The following SPSB4 variants were observed in gnomAD, a reference collection of about 807,000 sequenced individuals.
SPSB4 encodes SPRY domain-containing SOCS box protein 4.
In SPSB4, 21 loss-of-function variants were observed where a neutral mutation model predicts 20.9. The ratio of observed to expected loss-of-function variants is 1.01; its 90% CI spans 0.71 to 1.45. The LOEUF (loss-of-function observed/expected upper bound fraction) is 1.45. Among genes scored for constraint, SPSB4 ranks in the 40% most tolerant of loss-of-function variants. The pLI, the probability that SPSB4 is intolerant of heterozygous loss-of-function variation, is 0.00. For synonymous variants in SPSB4, 207 were observed against 183.8 expected, an observed-to-expected ratio of 1.13 and a Z score of -1.02; for missense variants, 399 against 399.2, an observed-to-expected ratio of 1.00 and a Z score of 0.00.
At chr3:141,137,594 A>T (rs1939250688) in intron 2 of SPSB4, among the ~76,000 whole-genome samples, 1 of 152,164 alleles carries the variant, frequency 6.6e-6, no homozygotes, top group Non-Finnish European at 1.5e-5. Context: ...TGAGAAAATC[A>T]TGTGGTTTTT....
Position 141,130,040 on chromosome 3 carries a change from C to T in SPSB4, c.695-17102C>T, listed in dbSNP as rs930230663. Among the ~76,000 whole-genome samples the T allele has an allele frequency of 6.6e-5, 10 of 152,176 alleles. 1 individual carries two copies. The highest frequency in any genetic ancestry group is 1.2e-4 in the Non-Finnish European group (8 of 68,030). Reference sequence around the variant, plus strand: ...AACAGTGAAGCTTGTCAACAGAAAACGCTCCAAATTCCAAATGCTTCCTAG... The same window carrying T: ...AACAGTGAAGCTTGTCAACAGAAAATGCTCCAAATTCCAAATGCTTCCTAG... On this transcript the variant is annotated intron_variant, in intron 2 of 2. Transcript: ENST00000310546.
chr3:141,112,210 G>C (rs1248348084), intron 2 of SPSB4, among the ~76,000 whole-genome samples: 1 of 152,182 alleles, frequency 6.6e-6, no homozygotes, highest in Non-Finnish European at 1.5e-5. Context: ...AGATGCCAAG[G>C]GTTGTTATGA....
chr3:141,128,130 T>C (rs961497965), intron 2 of SPSB4, among the ~76,000 whole-genome samples: 28 of 151,740 alleles, frequency 1.8e-4, no homozygotes, highest in Admixed American at 1.8e-3. Flanking sequence ...GTTAAGTCGG[T>C]GGGGAAGGGG....
intron 2 of SPSB4, among the ~76,000 whole-genome samples, chr3:141,142,367 A>G (rs1039859421): frequency 1.3e-5 from 2 of 152,138 alleles, no homozygotes; most frequent in Non-Finnish European, 2.9e-5. Flanking sequence ...TTCCTTTTGG[A>G]GTTAATTTCC....
intron 2 of SPSB4, among the ~76,000 whole-genome samples, chr3:141,090,465 A>T (rs1367478706): frequency 6.6e-6 from 1 of 152,136 alleles, no homozygotes; most frequent in South Asian, 2.1e-4. Context: ...TTTAAATAAG[A>T]TGGTTGAGAA....
At chr3:141,053,331 T>C (rs1936128768) in intron 1 of SPSB4, among the ~76,000 whole-genome samples, 1 of 151,736 alleles carries the variant, frequency 6.6e-6, no homozygotes, top group South Asian at 2.1e-4. Context: ...ACATACCCTC[T>C]AATTTATTCC....
chr3:141,066,318 C>A lies in SPSB4; in HGVS notation c.214C>A (p.Arg72=). The change falls in exon 2 of 3, where the codon CGG becomes AGG. Residue 72 remains arginine (R), a synonymous_variant. Transcript: ENST00000310546. ...SLNVFVKDDD[R]LTFHRHPVAQ... ...CAACGTCTTCGTCAAGGACGACGAC[C>A]GGCTCACCTTCCACCGGCACCCCGT... 2 of 1,572,758 alleles carry A rather than the reference C, an allele frequency of 1.3e-6. No individual in the cohort carries two copies.
chr3:141,136,793 T>TGTTGGCTTAGG (rs1308487013), intron 2 of SPSB4, among the ~76,000 whole-genome samples: 1 of 152,260 alleles, frequency 6.6e-6, no homozygotes, highest in African/African-American at 2.4e-5. Context: ...AGCTTTGTTC[T>TGTTGGCTTAGG]GTTGGCTTAG....
At chr3:141,145,131 A>C (rs1939392607) in intron 2 of SPSB4, among the ~76,000 whole-genome samples, 1 of 152,026 alleles carries the variant, frequency 6.6e-6, no homozygotes, top group South Asian at 2.1e-4. Context: ...GAGGATCGAT[A>C]TACTGTCTCC....
chr3:141,141,886 G>A (rs189296119), intron 2 of SPSB4, among the ~76,000 whole-genome samples: 5 of 152,214 alleles, frequency 3.3e-5, no homozygotes, highest in African/African-American at 9.6e-5. Context: ...GGTATCAGTT[G>A]TAATATCTCC....
At chr3:141,099,153 G>A (rs956807824) in intron 2 of SPSB4, among the ~76,000 whole-genome samples, 2 of 151,518 alleles carry the variant, frequency 1.3e-5, no homozygotes, top group African/African-American at 2.4e-5. Context: ...GTTTTAGTGG[G>A]ACATTTAAAC....
intron 2 of SPSB4, among the ~76,000 whole-genome samples, chr3:141,091,401 T>C (rs1394883635): frequency 1.4e-4 from 21 of 152,220 alleles, no homozygotes; most frequent in Admixed American, 1.4e-3. Context: ...ACCAAAAACA[T>C]GAGTTTCTAT....
chr3:141,095,320 C>G (rs1170838325), intron 2 of SPSB4, among the ~76,000 whole-genome samples: 1 of 152,186 alleles, frequency 6.6e-6, no homozygotes, highest in Non-Finnish European at 1.5e-5. Flanking sequence ...AGCTCCTCAA[C>G]AGCTGTGTCC....
intron 1 of SPSB4, among the ~76,000 whole-genome samples, chr3:141,055,359 T>C (rs964151764): frequency 6.6e-6 from 1 of 152,006 alleles, no homozygotes; most frequent in African/African-American, 2.4e-5. Flanking sequence ...AGTCCCAGGA[T>C]GTGCTGACGA....
At chr3:141,102,893 C>T (rs1249394347) in intron 2 of SPSB4, among the ~76,000 whole-genome samples, 1 of 152,156 alleles carries the variant, frequency 6.6e-6, no homozygotes, top group Non-Finnish European at 1.5e-5. Context: ...GCCAAGCCTG[C>T]CCATGAGGAA....
rs71151410 is a variant in SPSB4, at chr3:141,061,738, C to CTT, written c.-153-4200_-153-4199dup. Among the ~76,000 whole-genome samples, 271 of 94,854 alleles carry CTT rather than the reference C, an allele frequency of 2.9e-3. 2 individuals carry two copies. Among genetic ancestry groups the CTT allele is most frequent in the African/African-American group, 5.3e-3 (150 of 28,102 alleles). 62.2% of individuals were successfully genotyped at this position (94,854 alleles called of 152,430 possible). ...TCTTTTTCTTTCCTTTTCTTTCTTT[C>CTT]TTTTTTTTTTTTTTTGAGATGGAGT... is the stretch of plus-strand genomic sequence containing the variant. On this transcript the variant is annotated intron_variant, in intron 1 of 2. Transcript: ENST00000310546.
intron 2 of SPSB4, among the ~76,000 whole-genome samples, chr3:141,093,335 C>G (rs1036100512): frequency 6.6e-6 from 1 of 151,756 alleles, no homozygotes; most frequent in Non-Finnish European, 1.5e-5. Flanking sequence ...TTCATATTGT[C>G]AATCTTCCCA....
intron 2 of SPSB4, among the ~76,000 whole-genome samples, chr3:141,112,790 A>C (rs966583068): frequency 6.6e-6 from 1 of 151,808 alleles, no homozygotes; most frequent in Non-Finnish European, 1.5e-5. Context: ...CAGTCCTCGG[A>C]GTGGCCAGGC....
intron 2 of SPSB4, among the ~76,000 whole-genome samples, chr3:141,101,631 G>A (rs927107325): frequency 1.3e-5 from 2 of 152,174 alleles, no homozygotes; most frequent in Non-Finnish European, 2.9e-5. Flanking sequence ...AAACTGCCCA[G>A]GACGGTGCTG....
Sources: gnomAD v4.1 joint callset for allele counts (sites outside exome capture counted in the v4.1 genomes callset) on GRCh38, gnomAD v4.1.1 for gene constraint, MANE v1.5 for transcripts, NCBI Gene and HGNC (gene_info 2026-07-23, HGNC 2026-07-21) for gene names.